Variants in CEP85L observed in about 807,000 individuals in gnomAD.
The protein encoded by CEP85L is centrosomal protein 85L.
CEP85L carries 60 observed loss-of-function variants against 100.3 expected under a neutral mutation model. The ratio of observed to expected loss-of-function variants is 0.60; its 90% confidence interval spans 0.49 to 0.74. The LOEUF (loss-of-function observed/expected upper bound fraction) is 0.74, where lower values mean the gene tolerates loss of function less well. Among genes scored for constraint, CEP85L ranks in the 30% least tolerant of loss-of-function variants. The probability of loss-of-function intolerance (pLI) is 0.00; values close to 1 mark genes in which losing one functional copy is unlikely to be tolerated. For missense variants in CEP85L, 973 were observed against 936.2 expected, an observed-to-expected ratio of 1.04 and a Z score of -0.51; for synonymous variants, 319 against 322.7, an observed-to-expected ratio of 0.99 and a Z score of 0.12.
upstream of CEP85L, chr6:118,652,609 G>C (rs1292077120): frequency 6.6e-7 from 1 of 1,505,752 alleles, no homozygotes; most frequent in East Asian, 2.5e-5. Context: ...CCTCATATTT[G>C]CATTTTTCCC....
intron 2 of CEP85L, chr6:118,589,674 A>C: frequency 3.5e-6 from 1 of 284,082 alleles, no homozygotes; most frequent in Non-Finnish European, 7.0e-6. Flanking sequence ...CCATGATGAG[A>C]AGCAGAAACT....
At chr6:118,571,452 C>T (rs1779883208) in intron 2 of CEP85L, among the ~76,000 whole-genome samples, 1 of 152,186 alleles carries the variant, frequency 6.6e-6, no homozygotes, top group South Asian at 2.1e-4. Flanking sequence ...TCTGATAATG[C>T]AAGTGAGTTG....
chr6:118,504,399 C>T (rs545532549), intron 5 of CEP85L, among the ~76,000 whole-genome samples: 1 of 151,760 alleles, frequency 6.6e-6, no homozygotes, highest in East Asian at 1.9e-4. Context: ...AAAAATCATA[C>T]CTACATAATG....
At chr6:118,470,083 C>T (rs1473218612) in intron 11 of CEP85L, among the ~76,000 whole-genome samples, 3 of 151,732 alleles carry the variant, frequency 2.0e-5, no homozygotes, top group African/African-American at 4.8e-5. Context: ...CCACAAACTT[C>T]GGTGCGAGAG....
At chr6:118,635,352 T>C (rs1386891694) in intron 1 of CEP85L, among the ~76,000 whole-genome samples, 1 of 152,182 alleles carries the variant, frequency 6.6e-6, no homozygotes, top group East Asian at 1.9e-4. Context: ...TATGTAGCTA[T>C]ATACATAATA....
In CEP85L at chr6:118,613,761, A is replaced by AAAAAAAT. The variant is rs1250368558; in HGVS notation, c.232+18691_232+18692insATTTTTT. On this transcript the variant is annotated intron_variant, in intron 2 of 12. Coordinates refer to ENST00000368491, the MANE Select transcript of CEP85L (RefSeq NM_001042475.3). ...AACAAGAGCAAATCTGTGTCTCAAA[A>AAAAAAAT]AAAAAAAAAAAATTCTGGGCCCAGA... Among the ~76,000 whole-genome samples the AAAAAAAT allele has an allele frequency of 5.9e-4, 89 of 151,436 alleles. 3 individuals are homozygous for AAAAAAAT. The highest frequency in any genetic ancestry group is 2.1e-3 in the African/African-American group (85 of 41,318).
At chr6:118,632,396 T>C in intron 2 of CEP85L, 57 bp downstream of exon 2, 3 of 1,357,684 alleles carry the variant, frequency 2.2e-6, no homozygotes, top group Non-Finnish European at 3.0e-6. Flanking sequence ...CTGAAAATTC[T>C]TGTACCACAA....
chr6:118,527,229 T>G (rs1412714984), intron 3 of CEP85L, among the ~76,000 whole-genome samples: 1 of 151,998 alleles, frequency 6.6e-6, no homozygotes, highest in African/African-American at 2.4e-5. Context: ...GGTCTTAAAC[T>G]CCCAACTTCA....
Position 118,463,369 on chromosome 6 carries a change from T to A in CEP85L, c.*2036A>T, listed in dbSNP as rs926180540. 11 of 152,042 alleles carry A rather than the reference T, an allele frequency of 7.2e-5. No homozygotes were observed. The highest frequency in any genetic ancestry group is 1.2e-4 in the Non-Finnish European group (8 of 67,930). 9.4% of individuals were successfully genotyped at this position (152,042 alleles called of 1,614,324 possible). ...GATTGTTTGCCAATTTGTTCTATTA[T>A]TTTAGGAAGCCTTTATTTCTAAAAT... On this transcript the variant is annotated 3_prime_UTR_variant, in exon 13 of 13. Transcript: ENST00000368491.
Position 118,548,992 on chromosome 6 carries a change from TAACA to T in CEP85L, c.1020+16533_1020+16536del, listed in dbSNP as rs1184463788. ...TCCCCTCTAAAGTCCAGTCAACTTTTAACAAACATTTCTAAAAAAATTCCATGCT... is the reference window on the plus strand; with the variant it reads ...TCCCCTCTAAAGTCCAGTCAACTTTTAACATTTCTAAAAAAATTCCATGCT... On this transcript the variant is annotated intron_variant, in intron 3 of 12. Coordinates refer to ENST00000368491, the MANE Select transcript of CEP85L (RefSeq NM_001042475.3). 3.9e-5 allele frequency among the ~76,000 whole-genome samples: 6 copies of T among 152,100 alleles called. No individual in the cohort carries two copies. In the East Asian group the frequency reaches 1.2e-3, roughly 29 times the overall value.
intron 2 of CEP85L, among the ~76,000 whole-genome samples, chr6:118,616,431 C>A (rs1231066406): frequency 6.6e-6 from 1 of 151,842 alleles, no homozygotes; most frequent in Admixed American, 6.6e-5. Flanking sequence ...ACTTGGGAGG[C>A]TGAAGCAGAA....
intron 5 of CEP85L, among the ~76,000 whole-genome samples, chr6:118,497,303 G>A (rs10080340): frequency 0.03 from 4,494 of 152,172 alleles, 111 homozygotes; most frequent in African/African-American, 0.057. Flanking sequence ...TCATATCTTT[G>A]TGAAGCAGGG....
intron 1 of CEP85L, among the ~76,000 whole-genome samples, chr6:118,693,543 C>T (rs1428295859): frequency 6.6e-6 from 1 of 152,182 alleles, no homozygotes; most frequent in Non-Finnish European, 1.5e-5. Context: ...TCCAAGGAGC[C>T]TCACTGCAAA....
chr6:118,562,678 C>G (rs1779293997), intron 3 of CEP85L, among the ~76,000 whole-genome samples: 1 of 152,038 alleles, frequency 6.6e-6, no homozygotes, highest in Non-Finnish European at 1.5e-5. Flanking sequence ...TTTGTTTATA[C>G]AAGGGAAAAT....
chr6:118,482,535 T>C (rs1773863863), intron 7 of CEP85L, among the ~76,000 whole-genome samples: 2 of 152,198 alleles, frequency 1.3e-5, no homozygotes. Context: ...TCAGAATTTC[T>C]CTCCTTGTTA....
intron 2 of CEP85L, among the ~76,000 whole-genome samples, chr6:118,621,559 G>A (rs905081763): frequency 6.6e-6 from 1 of 152,088 alleles, no homozygotes; most frequent in African/African-American, 2.4e-5. Flanking sequence ...CCTCCAATAC[G>A]CAGATGACTT....
chr6:118,606,665 ATTTGTG>A (rs1291858234), intron 2 of CEP85L, among the ~76,000 whole-genome samples: 1 of 152,224 alleles, frequency 6.6e-6, no homozygotes, highest in Non-Finnish European at 1.5e-5. Context: ...TTCATCCAGT[ATTTGTG>A]TTTGTTTCAG....
intron 2 of CEP85L, among the ~76,000 whole-genome samples, chr6:118,570,418 G>A (rs1779818343): frequency 6.6e-6 from 1 of 152,098 alleles, no homozygotes; most frequent in South Asian, 2.1e-4. Context: ...ATCCAGTAAT[G>A]GGCTACTTTC....
Position 118,527,002 on chromosome 6 carries a change from C to CTTTTTTTTT in CEP85L, c.1021-3091_1021-3083dup, listed in dbSNP as rs764883723. ...CCACTGTTTCATTCCTTTACTTTTTCTTTTTTTTTTTTTTTTTTTTTTTTT... is the reference window on the plus strand; with the variant it reads ...CCACTGTTTCATTCCTTTACTTTTTCTTTTTTTTTTTTTTTTTTTTTTTTTTTTTTTTTT... On this transcript the variant is annotated intron_variant, in intron 3 of 12. Coordinates refer to ENST00000368491, the MANE Select transcript of CEP85L (RefSeq NM_001042475.3). Among the ~76,000 whole-genome samples, 327 of 98,690 alleles carry CTTTTTTTTT rather than the reference C, an allele frequency of 3.3e-3. 1 individual carries two copies. The highest frequency in any genetic ancestry group is 6.3e-3 in the African/African-American group (156 of 24,578). 64.7% of individuals were successfully genotyped at this position (98,690 alleles called of 152,430 possible).
Sources: gnomAD v4.1 joint callset for allele counts (sites outside exome capture counted in the v4.1 genomes callset) on GRCh38, gnomAD v4.1.1 for gene constraint, MANE v1.5 for transcripts, NCBI Gene and HGNC (gene_info 2026-07-23, HGNC 2026-07-21) for gene names.